The following EPHX2 variants were observed in gnomAD, a reference collection of about 807,000 sequenced individuals.
EPHX2 encodes epoxide hydrolase 2.
A neutral mutation model predicts 78.7 loss-of-function variants in EPHX2; 74 were observed. The observed-to-expected ratio is 0.94, with a 90% confidence interval of 0.78 to 1.14. The LOEUF (loss-of-function observed/expected upper bound fraction) is 1.14. Ranked by LOEUF, EPHX2 falls within the 50% of genes most tolerant of loss-of-function variation. EPHX2 has a pLI of 0.00. For missense variants in EPHX2, 715 were observed against 702.5 expected, an observed-to-expected ratio of 1.02 and a Z score of -0.20; for synonymous variants, 251 against 255.2, an observed-to-expected ratio of 0.98 and a Z score of 0.16.
chr8:27,525,068 CTGTGTGTGTGTGTGTGTG>C (rs56963159), intron 11 of EPHX2, among the ~76,000 whole-genome samples: 5 of 131,144 alleles, frequency 3.8e-5, no homozygotes, highest in Admixed American at 7.4e-5. Flanking sequence ...AGTATGTGTA[CTGTGTGTGTGTGTGTGTG>C]TGTGTGTGTG....
chr8:27,521,068 CAATG>C (rs1814627758), intron 10 of EPHX2, among the ~76,000 whole-genome samples, 159 bp downstream of exon 10: 1 of 152,164 alleles, frequency 6.6e-6, no homozygotes, highest in Non-Finnish European at 1.5e-5. Context: ...ATCACAAAAA[CAATG>C]ACAAAGAGCA....
rs149762241 is a variant in EPHX2, at chr8:27,522,443, C to T, written c.993C>T (p.Phe331=). The T allele has an allele frequency of 2.0e-3, 3,245 of 1,614,042 alleles. 11 individuals carry two copies. Among genetic ancestry groups the T allele is most frequent in the East Asian group, 8.3e-3 (374 of 44,874 alleles). The change falls in exon 11 of 19, where the codon TTC becomes TTT. Residue 331 remains phenylalanine, a synonymous_variant. Transcript: ENST00000521400. ...LDKLGLSQAV[F]IGHDWGGMLV... is the part of the protein sequence containing the mutation. ...TCTAGGGCCTCTCTCAAGCAGTGTT[C>T]ATTGGCCATGACTGGGGTGGCATGC...
intron 11 of EPHX2, among the ~76,000 whole-genome samples, chr8:27,524,778 A>G (rs535262350): frequency 1.3e-5 from 2 of 150,994 alleles, no homozygotes; most frequent in South Asian, 2.1e-4. Flanking sequence ...TCTCCTTCCA[A>G]CTCCTATGCT....
intron 8 of EPHX2, among the ~76,000 whole-genome samples, chr8:27,516,917 CTA>C (rs1814477104): frequency 6.9e-6 from 1 of 144,196 alleles, no homozygotes; most frequent in Admixed American, 6.9e-5. Context: ...AATTTCCTTC[CTA>C]TTTTTTTTTT....
At chr8:27,499,797 G>C (rs1326775945) in intron 1 of EPHX2, among the ~76,000 whole-genome samples, 1 of 152,098 alleles carries the variant, frequency 6.6e-6, no homozygotes, top group African/African-American at 2.4e-5. Flanking sequence ...ATGTCAGCAG[G>C]GTTGGTTCCT....
chr8:27,521,012 GC>G, intron 10 of EPHX2, 103 bp downstream of exon 10: 1 of 1,457,964 alleles, frequency 6.9e-7, no homozygotes, highest in Non-Finnish European at 9.6e-7. Context: ...GGCAGGGAGG[GC>G]CCATTTTGGG....
intron 1 of EPHX2, 83 bp from the exon 2 acceptor site, chr8:27,500,843 C>A: frequency 7.9e-7 from 1 of 1,260,482 alleles, no homozygotes; most frequent in Non-Finnish European, 1.1e-6. Flanking sequence ...GGCTGCTTCT[C>A]AATGAATATG....
Position 27,500,935 on chromosome 8 carries a change from G to C in EPHX2, c.111G>C (p.Leu37=), listed in dbSNP as rs749370691. The change falls in exon 2 of 19, where the codon CTG becomes CTC. Residue 37 remains leucine (L), a synonymous_variant. Transcript: ENST00000521400. ...EEALALPRGL[L]NDAFQKGGPE... ...TCTTTGTGTTTTCCAGAGGACTTCTGAATGATGCTTTCCAGAAAGGGGGAC... is the reference window on the plus strand; with the variant it reads ...TCTTTGTGTTTTCCAGAGGACTTCTCAATGATGCTTTCCAGAAAGGGGGAC... The C allele has an allele frequency of 1.2e-6, 2 of 1,613,150 alleles. No homozygotes were observed. The highest frequency in any genetic ancestry group is 4.5e-5 in the East Asian group (2 of 44,830).
intron 16 of EPHX2, among the ~76,000 whole-genome samples, chr8:27,543,015 C>G (rs867394156): frequency 1.6e-5 from 2 of 128,820 alleles, no homozygotes; most frequent in Non-Finnish European, 3.3e-5. Flanking sequence ...CTCCCCCCCC[C>G]GCCCCCCGCC....
At chr8:27,507,228 G>A (rs1814045491) in intron 5 of EPHX2, among the ~76,000 whole-genome samples, 1 of 152,196 alleles carries the variant, frequency 6.6e-6, no homozygotes, top group Non-Finnish European at 1.5e-5. Flanking sequence ...TAGTGTTAGT[G>A]CCAGGGCCGG....
At chr8:27,520,121 T>A (rs1437303208) in intron 9 of EPHX2, among the ~76,000 whole-genome samples, 1 of 150,832 alleles carries the variant, frequency 6.6e-6, no homozygotes, top group African/African-American at 2.4e-5. Flanking sequence ...GGATTACAGG[T>A]GCGGGCCATT....
downstream of EPHX2, among the ~76,000 whole-genome samples, chr8:27,547,916 A>G (rs1430185026): frequency 6.6e-6 from 1 of 152,192 alleles, no homozygotes; most frequent in Non-Finnish European, 1.5e-5. Context: ...AATAGTAAAA[A>G]TATGTTATTT....
chr8:27,535,653 C>A (rs541151379), intron 12 of EPHX2, among the ~76,000 whole-genome samples: 1 of 152,286 alleles, frequency 6.6e-6, no homozygotes, highest in South Asian at 2.1e-4. Context: ...AGGCTACCCC[C>A]ACTAGGAGAG....
At chr8:27,507,290 A>C (rs1449680046) in intron 5 of EPHX2, among the ~76,000 whole-genome samples, 1 of 152,154 alleles carries the variant, frequency 6.6e-6, no homozygotes, top group African/African-American at 2.4e-5. Context: ...CTCACTTTTG[A>C]GAGTAAGTAT....
chr8:27,510,896 C>G (rs1443418527), intron 5 of EPHX2, among the ~76,000 whole-genome samples: 1 of 152,120 alleles, frequency 6.6e-6, no homozygotes, highest in Non-Finnish European at 1.5e-5. Context: ...CTGCAGTGAG[C>G]TGTGATCACA....
intron 6 of EPHX2, among the ~76,000 whole-genome samples, chr8:27,513,709 G>A (rs528367208): frequency 5.3e-4 from 81 of 152,146 alleles, no homozygotes; most frequent in Non-Finnish European, 9.3e-4. Context: ...CGTTTGCTGG[G>A]CTACTCAGCT....
At chr8:27,493,682 G>T (rs1813469121) in intron 1 of EPHX2, among the ~76,000 whole-genome samples, 1 of 144,938 alleles carries the variant, frequency 6.9e-6, no homozygotes, top group Non-Finnish European at 1.5e-5. Flanking sequence ...AGGAGAAGGT[G>T]CAGGTGCCTG....
At position 27,501,333 on chromosome 8, in the gene EPHX2, C is replaced by CTTCTTCT. The variant is rs1554519500; in HGVS notation, c.186+325_186+331dup. Among the ~76,000 whole-genome samples the CTTCTTCT allele has an allele frequency of 2.6e-3, 192 of 72,582 alleles. 1 individual carries two copies. The highest frequency in any genetic ancestry group is 0.012 in the African/African-American group (182 of 15,388). The allele number at this position is 72,582 out of a possible 152,430, so 47.6% of individuals were successfully genotyped here. On this transcript the variant is annotated intron_variant, in intron 2 of 18. Coordinates refer to ENST00000521400, the MANE Select transcript of EPHX2 (RefSeq NM_001979.6). ...GGGAAATGCTATATATTTTCTTCTT[C>CTTCTTCT]TTCTTCTTCTTCTTCTTCTTCTTCT...
chr8:27,523,451 G>A (rs1219071217), intron 11 of EPHX2, among the ~76,000 whole-genome samples: 1 of 152,160 alleles, frequency 6.6e-6, no homozygotes, highest in Admixed American at 6.5e-5. Context: ...AGCTAAACCT[G>A]TCTGACTTCC....
Sources: gnomAD v4.1 joint callset for allele counts (sites outside exome capture counted in the v4.1 genomes callset) on GRCh38, gnomAD v4.1.1 for gene constraint, MANE v1.5 for transcripts, NCBI Gene and HGNC (gene_info 2026-07-23, HGNC 2026-07-21) for gene names.